The following KCNH7 variants were observed in gnomAD, a reference collection of about 807,000 sequenced individuals.
KCNH7 encodes voltage-gated inwardly rectifying potassium channel KCNH7.
KCNH7 carries 49 observed loss-of-function variants against 120.8 expected under a neutral mutation model. The observed-to-expected ratio is 0.41, with a 90% CI of 0.32 to 0.51. The LOEUF is 0.51. KCNH7 is among the 20% of genes least tolerant of loss of function. KCNH7 has a pLI of 0.38. For synonymous variants in KCNH7, 547 were observed against 516.1 expected, an observed-to-expected ratio of 1.06 and a Z score of -0.81; for missense variants, 1,097 against 1,446.6, an observed-to-expected ratio of 0.76 and a Z score of 3.92.
chr2:162,715,470 G>A (rs541021467), intron 2 of KCNH7, among the ~76,000 whole-genome samples: 82 of 152,306 alleles, frequency 5.4e-4, no homozygotes, highest in Admixed American at 2.1e-3. Flanking sequence ...AACTATATCA[G>A]TTGGTATGGT....
intron 2 of KCNH7, among the ~76,000 whole-genome samples, chr2:162,669,421 A>G (rs1032535268): frequency 4.5e-4 from 69 of 152,230 alleles, no homozygotes; most frequent in African/African-American, 1.6e-3. Flanking sequence ...AAATCAGTGG[A>G]ATGAATCTTC....
intron 2 of KCNH7, among the ~76,000 whole-genome samples, chr2:162,720,320 A>G (rs1009361130): frequency 4.8e-5 from 7 of 144,568 alleles, no homozygotes; most frequent in African/African-American, 1.7e-4. Context: ...AAAAAAAAAA[A>G]AAAGAGAGAG....
At chr2:162,729,162 ATTTTTTT>A (rs1412794660) in intron 2 of KCNH7, among the ~76,000 whole-genome samples, 1 of 119,878 alleles carries the variant, frequency 8.3e-6, no homozygotes, top group Admixed American at 8.7e-5. Context: ...ATATACCCAA[ATTTTTTT>A]TTTTTTTTTT....
At chr2:162,466,213 A>T (rs1236132752) in intron 6 of KCNH7, among the ~76,000 whole-genome samples, 4 of 152,152 alleles carry the variant, frequency 2.6e-5, no homozygotes, top group Non-Finnish European at 5.9e-5. Flanking sequence ...CCCTTGCCTG[A>T]CAATATTGTA....
intron 2 of KCNH7, among the ~76,000 whole-genome samples, chr2:162,726,438 G>A (rs887731969): frequency 3.3e-5 from 5 of 152,022 alleles, no homozygotes; most frequent in African/African-American, 1.2e-4. Context: ...TATTATTTTT[G>A]AGATGGAGTC....
chr2:162,711,908 G>A (rs969914356), intron 2 of KCNH7, among the ~76,000 whole-genome samples: 3 of 152,138 alleles, frequency 2.0e-5, no homozygotes, highest in African/African-American at 7.2e-5. Flanking sequence ...AAGGGCAATA[G>A]ATATGAAAGG....
intron 2 of KCNH7, among the ~76,000 whole-genome samples, chr2:162,650,808 A>T (rs971045482): frequency 6.6e-6 from 1 of 152,200 alleles, no homozygotes; most frequent in East Asian, 1.9e-4. Flanking sequence ...ATAATATCTG[A>T]TACGTAGGAG....
chr2:162,481,079 G>T (rs79691504), intron 6 of KCNH7, among the ~76,000 whole-genome samples: 6 of 152,002 alleles, frequency 3.9e-5, no homozygotes, highest in Non-Finnish European at 7.4e-5. Flanking sequence ...ACTGGGTTAC[G>T]TGCCCCCTTT....
At chr2:162,822,135 C>T (rs954010309) in intron 2 of KCNH7, among the ~76,000 whole-genome samples, 1 of 57,394 alleles carries the variant, frequency 1.7e-5, no homozygotes, top group African/African-American at 4.2e-5. Flanking sequence ...TTTTCAAAAA[C>T]CGCTGCTAAT....
chr2:162,798,257 A>C (rs527412029), intron 2 of KCNH7, among the ~76,000 whole-genome samples: 1 of 152,184 alleles, frequency 6.6e-6, no homozygotes, highest in East Asian at 1.9e-4. Flanking sequence ...GCTTTTTAAA[A>C]TTTACATTTT....
At chr2:162,810,347 G>T (rs559299815) in intron 2 of KCNH7, among the ~76,000 whole-genome samples, 1 of 152,252 alleles carries the variant, frequency 6.6e-6, no homozygotes, top group South Asian at 2.1e-4. Flanking sequence ...TTACACTGGG[G>T]ATACACTTCT....
intron 12 of KCNH7, among the ~76,000 whole-genome samples, chr2:162,392,288 G>A (rs541044392): frequency 3.3e-5 from 5 of 151,908 alleles, no homozygotes; most frequent in African/African-American, 1.2e-4. Context: ...GTGTGTGTGT[G>A]TGCGCATGTG....
chr2:162,502,851 A>G (rs1690730660), intron 6 of KCNH7, among the ~76,000 whole-genome samples: 1 of 152,058 alleles, frequency 6.6e-6, no homozygotes, highest in Non-Finnish European at 1.5e-5. Flanking sequence ...GACCAAGCAC[A>G]TGAAAGACTT....
intron 2 of KCNH7, among the ~76,000 whole-genome samples, chr2:162,829,606 T>C (rs1419364238): frequency 6.6e-6 from 1 of 152,120 alleles, no homozygotes; most frequent in Non-Finnish European, 1.5e-5. Context: ...AGGTTAATAA[T>C]TTCTGGTGAG....
intron 2 of KCNH7, among the ~76,000 whole-genome samples, chr2:162,685,659 T>G (rs1487877391): frequency 1.3e-5 from 2 of 151,810 alleles, no homozygotes; most frequent in Admixed American, 6.6e-5. Flanking sequence ...ATGGATATAT[T>G]ACGTTTTACA....
chr2:162,718,203 A>G (rs373736677), intron 2 of KCNH7, among the ~76,000 whole-genome samples: 10 of 152,072 alleles, frequency 6.6e-5, no homozygotes, highest in East Asian at 1.9e-4. Flanking sequence ...TTTTTTTAAC[A>G]TATCAGATGA....
intron 2 of KCNH7, among the ~76,000 whole-genome samples, chr2:162,623,740 A>G (rs1683446549): frequency 6.6e-6 from 1 of 152,180 alleles, no homozygotes; most frequent in South Asian, 2.1e-4. Context: ...ATATGAAATG[A>G]GCTAACCTTT....
At chr2:162,707,837 T>C (rs1005581707) in intron 2 of KCNH7, among the ~76,000 whole-genome samples, 1 of 152,120 alleles carries the variant, frequency 6.6e-6, no homozygotes, top group African/African-American at 2.4e-5. Context: ...GTTTCTAGAA[T>C]AAGCAGATAC....
intron 2 of KCNH7, among the ~76,000 whole-genome samples, chr2:162,667,018 CTT>C (rs34213467): frequency 0.17 from 20,888 of 123,746 alleles, 1,780 homozygotes; most frequent in East Asian, 0.33. Flanking sequence ...TTTTCTTTTT[CTT>C]TTTTTTTTTT....
Sources: allele counts gnomAD v4.1 joint callset (sites outside exome capture counted in the v4.1 genomes callset), GRCh38; gene constraint gnomAD v4.1.1; transcripts MANE v1.5; gene names NCBI Gene and HGNC (gene_info 2026-07-23, HGNC 2026-07-21).